The following EPM2A variants were observed in gnomAD, a reference collection of about 807,000 sequenced individuals.
EPM2A encodes laforin.
A neutral mutation model predicts 26.5 loss-of-function variants in EPM2A; 21 were observed. That is an observed-to-expected ratio of 0.79 (90% CI 0.56 to 1.14). EPM2A has a LOEUF of 1.14. Ranked by LOEUF, EPM2A falls within the 50% of genes most tolerant of loss-of-function variation. EPM2A has a pLI of 0.00. For missense variants in EPM2A, 458 were observed against 440.8 expected (o/e 1.04, Z -0.35); for synonymous variants, 217 against 177.6 (o/e 1.22, Z -1.76).
intron 2 of EPM2A, among the ~76,000 whole-genome samples, chr6:145,536,634 C>T (rs1205576163): frequency 6.6e-6 from 1 of 152,156 alleles, no homozygotes. Context: ...CTCATTCACA[C>T]AAACCTGGGC....
At chr6:145,515,713 G>T (rs967563384) in intron 2 of EPM2A, among the ~76,000 whole-genome samples, 14 of 152,082 alleles carry the variant, frequency 9.2e-5, no homozygotes, top group African/African-American at 2.9e-4. Context: ...ATATAAATCT[G>T]GGGGGACATA....
In EPM2A at chr6:145,551,942, C is replaced by A. The variant is rs9497343; in HGVS notation, c.341-49367G>T. 7.7e-3 allele frequency among the ~76,000 whole-genome samples: 1,164 copies of A among 150,476 alleles called. 15 individuals carry two copies. Among genetic ancestry groups the A allele is most frequent in the African/African-American group, 0.027 (1,108 of 41,088 alleles). ...AAGAATTTCTAGATTCGATATAGAACCAAATAAAATTATATTTAGGTAAAA... is the reference window on the plus strand; with the variant it reads ...AAGAATTTCTAGATTCGATATAGAAACAAATAAAATTATATTTAGGTAAAA... On this transcript the variant is annotated intron_variant, in intron 2 of 3. Coordinates refer to the EPM2A transcript ENST00000450221.
downstream of EPM2A, among the ~76,000 whole-genome samples, chr6:145,499,969 T>C (rs1779866678): frequency 6.6e-6 from 1 of 152,112 alleles, no homozygotes; most frequent in Admixed American, 6.5e-5. Flanking sequence ...ACTCATATCC[T>C]GACAACATAA....
intron 2 of EPM2A, among the ~76,000 whole-genome samples, chr6:145,520,000 C>T (rs1430502969): frequency 6.6e-6 from 1 of 152,082 alleles, no homozygotes. Flanking sequence ...CTGAATCCTC[C>T]CTTAGTCAAA....
intron 2 of EPM2A, among the ~76,000 whole-genome samples, chr6:145,556,633 T>G (rs776397162): frequency 2.6e-5 from 4 of 152,146 alleles, no homozygotes; most frequent in Non-Finnish European, 5.9e-5. Flanking sequence ...TTAAGCTCTA[T>G]GAAGGATTCC....
At chr6:145,633,195 T>C (rs959299472) in intron 3 of EPM2A, among the ~76,000 whole-genome samples, 1 of 152,134 alleles carries the variant, frequency 6.6e-6, no homozygotes, top group African/African-American at 2.4e-5. Context: ...CGTGGCACAG[T>C]TGGCAGCCTA....
At chr6:145,547,241 C>T (rs1780594353) in intron 2 of EPM2A, among the ~76,000 whole-genome samples, 1 of 152,120 alleles carries the variant, frequency 6.6e-6, no homozygotes, top group Non-Finnish European at 1.5e-5. Flanking sequence ...GTCCACTAAG[C>T]CTTCCTCTGC....
rs911690021 is a variant in EPM2A at position 145,665,583 on chromosome 6, G to C, written c.476+20539C>G. On this transcript the variant is annotated intron_variant, in intron 2 of 3. Coordinates refer to ENST00000367519, the MANE Select transcript of EPM2A (RefSeq NM_005670.4). The stretch of plus-strand genomic sequence containing the variant: ...GATTCACAGCCGAATTCTACCAGAG[G>C]TACAATGAGGAGCTGGTACCATTCC... 7.4e-4 allele frequency among the ~76,000 whole-genome samples: 109 copies of C among 147,754 alleles called. 1 individual carries two copies. The highest frequency in any genetic ancestry group is 1.2e-3 in the Non-Finnish European group (83 of 67,252).
chr6:145,610,988 T>C (rs539196836), intron 2 of EPM2A, among the ~76,000 whole-genome samples: 62 of 152,326 alleles, frequency 4.1e-4, no homozygotes, highest in African/African-American at 1.4e-3. Flanking sequence ...TTTTTTAATT[T>C]TGCAACATTT....
intron 2 of EPM2A, among the ~76,000 whole-genome samples, chr6:145,653,801 G>T (rs111771550): frequency 6.6e-6 from 1 of 152,146 alleles, no homozygotes; most frequent in Non-Finnish European, 1.5e-5. Context: ...ACATTATGGA[G>T]TGTACTCTGA....
intron 1 of EPM2A, among the ~76,000 whole-genome samples, chr6:145,696,373 G>A (rs923464474): frequency 4.2e-4 from 64 of 152,096 alleles, no homozygotes; most frequent in African/African-American, 1.3e-3. Flanking sequence ...CCATTGCACA[G>A]TAGGGTGACT....
chr6:145,699,798 G>T (rs9497397), intron 1 of EPM2A, among the ~76,000 whole-genome samples: 1 of 152,008 alleles, frequency 6.6e-6, no homozygotes, highest in Non-Finnish European at 1.5e-5. Flanking sequence ...ATTTAAGAAG[G>T]CATTTTTTAA....
At chr6:145,498,520 C>T (rs183284989), downstream of EPM2A, among the ~76,000 whole-genome samples, 4 of 152,286 alleles carry the variant, frequency 2.6e-5, no homozygotes, top group Admixed American at 1.3e-4. Context: ...GGAGTGGGTT[C>T]ATGAGGGGAT....
chr6:145,734,027 A>G (rs1428354034), intron 1 of EPM2A, among the ~76,000 whole-genome samples: 1 of 150,682 alleles, frequency 6.6e-6, no homozygotes. Flanking sequence ...CTTTTAGGGC[A>G]TAATTTAGCA....
At chr6:145,618,525 C>T (rs1052266067) in intron 2 of EPM2A, among the ~76,000 whole-genome samples, 9 of 152,190 alleles carry the variant, frequency 5.9e-5, no homozygotes, top group African/African-American at 2.2e-4. Context: ...CAGTGGTCAT[C>T]CTCATGTTGT....
chr6:145,573,356 G>T (rs1163993949), intron 2 of EPM2A, among the ~76,000 whole-genome samples: 3 of 152,258 alleles, frequency 2.0e-5, no homozygotes, highest in Non-Finnish European at 4.4e-5. Context: ...AAAGGCATTT[G>T]CCAAGTCAAT....
At chr6:145,670,533 A>C (rs561244192) in intron 2 of EPM2A, 1 of 152,280 alleles carries the variant, frequency 6.6e-6, no homozygotes, top group Admixed American at 6.5e-5. Flanking sequence ...ATTCCAGAAC[A>C]GCATGGTCTG....
chr6:145,464,840 A>C (rs993900790), intron 4 of EPM2A, among the ~76,000 whole-genome samples: 2 of 152,182 alleles, frequency 1.3e-5, no homozygotes, highest in African/African-American at 4.8e-5. Context: ...TTATAAATAA[A>C]TCTGCTGTAA....
At chr6:145,425,774 G>A (rs1276866294) in intron 4 of EPM2A, among the ~76,000 whole-genome samples, 1 of 152,150 alleles carries the variant, frequency 6.6e-6, no homozygotes, top group African/African-American at 2.4e-5. Context: ...GTAGCCACTG[G>A]CTGTAAGGTA....
Sources: allele counts gnomAD v4.1 joint callset (sites outside exome capture counted in the v4.1 genomes callset), GRCh38; gene constraint gnomAD v4.1.1; transcripts MANE v1.5; gene names NCBI Gene and HGNC (gene_info 2026-07-23, HGNC 2026-07-21).